The following GPATCH8 variants were observed in gnomAD, a reference collection of about 807,000 sequenced individuals.
GPATCH8 encodes the protein G patch domain-containing protein 8.
In GPATCH8, 18 loss-of-function variants were observed where a neutral mutation model predicts 118.3. The observed-to-expected ratio is 0.15, with a 90% confidence interval of 0.11 to 0.23. The LOEUF is 0.23. Among genes scored for constraint, GPATCH8 ranks in the 10% least tolerant of loss-of-function variants. GPATCH8 has a pLI of 1.00. For synonymous variants in GPATCH8, 659 were observed against 684.7 expected (o/e 0.96, Z 0.59); for missense variants, 1,631 against 1,873.8 (o/e 0.87, Z 2.39).
At chr17:44,487,053 G>T (rs1968840830) in intron 1 of GPATCH8, among the ~76,000 whole-genome samples, 1 of 152,064 alleles carries the variant, frequency 6.6e-6, no homozygotes, top group Non-Finnish European at 1.5e-5. Context: ...TCTTGATGTA[G>T]TTCTATGAGT....
intron 1 of GPATCH8, among the ~76,000 whole-genome samples, chr17:44,501,127 C>T (rs912347938): frequency 5.9e-5 from 9 of 152,096 alleles, no homozygotes; most frequent in South Asian, 4.1e-4. Flanking sequence ...ATTTTAAAAA[C>T]CAACATTTTC....
At position 44,401,356 on chromosome 17, in the gene GPATCH8, T is replaced by A. The variant is rs1394777693; in HGVS notation, c.721A>T (p.Thr241Ser). Reference sequence around the variant, plus strand: ...AGGCCACAAGAAGCAGTGGCACCTGTGCCACTATTTGTAGCTGATTCATCT... The same window carrying A: ...AGGCCACAAGAAGCAGTGGCACCTGAGCCACTATTTGTAGCTGATTCATCT... ...DKDESATNSG[T>S]GATASCGLGS... The change falls in exon 8 of 8, where the codon ACA becomes TCA. Residue 241 changes from threonine (T) to serine (S), a missense_variant. Around this residue, in one of 8 missense-constraint regions of GPATCH8, gnomAD observed 405 missense variants for 462.7 expected, o/e 0.88. Transcript: ENST00000591680. The A allele has an allele frequency of 6.2e-7, 1 of 1,611,408 alleles. No individual in the cohort carries two copies. The highest frequency in any genetic ancestry group is 1.1e-5 in the South Asian group (1 of 90,946).
chr17:44,483,892 A>G (rs1214396807), intron 1 of GPATCH8, among the ~76,000 whole-genome samples: 3 of 151,954 alleles, frequency 2.0e-5, no homozygotes, highest in African/African-American at 4.8e-5. Flanking sequence ...CCCAGGCTGG[A>G]GCACAGTGGC....
At chr17:44,402,920 G>C (rs2049082318) in intron 7 of GPATCH8, among the ~76,000 whole-genome samples, 1 of 152,132 alleles carries the variant, frequency 6.6e-6, no homozygotes, top group South Asian at 2.1e-4. Flanking sequence ...GATCTTGCCT[G>C]AAAGTTTTAT....
chr17:44,397,301 G>T lies in GPATCH8; in HGVS notation c.*267C>A, dbSNP rs192580684. 9.4e-4 allele frequency: 596 copies of T among 634,564 alleles called. 3 individuals are homozygous for T. The African/African-American group carries it at 9.7e-3, about 10-fold the overall frequency. The allele number at this position is 634,564 out of a possible 1,614,324, so 39.3% of individuals were successfully genotyped here. ...AGTTTGGAGATGTTGCTGCAGAGGG[G>T]TGGGTAGCACTTACTGGTGTTCCCT... On this transcript the variant is annotated 3_prime_UTR_variant, in exon 8 of 8. Coordinates refer to ENST00000591680, the MANE Select transcript of GPATCH8 (RefSeq NM_001002909.4).
chr17:44,465,092 A>AT (rs2051709545), intron 2 of GPATCH8: 2 of 100,776 alleles, frequency 2.0e-5, no homozygotes, highest in Non-Finnish European at 4.4e-5. Flanking sequence ...TTGGTTTAAA[A>AT]AAATAATATA....
At chr17:44,452,036 C>T (rs1225216035) in intron 3 of GPATCH8, among the ~76,000 whole-genome samples, 3 of 151,904 alleles carry the variant, frequency 2.0e-5, no homozygotes, top group East Asian at 3.9e-4. Context: ...TTTGGGAGGC[C>T]GATTCGGGCG....
chr17:44,470,300 C>T (rs1477804756), intron 2 of GPATCH8, among the ~76,000 whole-genome samples: 1 of 151,984 alleles, frequency 6.6e-6, no homozygotes, highest in Non-Finnish European at 1.5e-5. Flanking sequence ...TGGGTTCAAG[C>T]GATTCTCCTG....
Position 44,396,490 on chromosome 17 carries a change from A to C in GPATCH8, c.*1078T>G, listed in dbSNP as rs1196340963. On this transcript the variant is annotated 3_prime_UTR_variant, in exon 8 of 8. Transcript: ENST00000591680. ...AGCAAAAAATGTTTTAACATTTTATAGTTCATAACTTCAAAAAATACATAA... is the reference window on the plus strand; with the variant it reads ...AGCAAAAAATGTTTTAACATTTTATCGTTCATAACTTCAAAAAATACATAA... The C allele has an allele frequency of 4.4e-6, 2 of 453,824 alleles. No homozygotes were observed. The highest frequency in any genetic ancestry group is 1.6e-5 in the South Asian group (1 of 64,382). 28.1% of individuals were successfully genotyped at this position (453,824 alleles called of 1,614,324 possible).
chr17:44,412,214 C>T (rs890701686), intron 6 of GPATCH8, among the ~76,000 whole-genome samples: 8 of 152,070 alleles, frequency 5.3e-5, no homozygotes, highest in African/African-American at 7.2e-5. Flanking sequence ...TGAACCACCA[C>T]GCACGGCCAA....
rs530790724 is a variant in GPATCH8, at chr17:44,472,878, T to C, written c.120+1951A>G. ...GCCCGGCTAATTTTTGTATTTTTAGTAGAGACAGGGTTTCACCATCTTGGC... is the reference window on the plus strand; with the variant it reads ...GCCCGGCTAATTTTTGTATTTTTAGCAGAGACAGGGTTTCACCATCTTGGC... On this transcript the variant is annotated intron_variant, in intron 2 of 7. Transcript: ENST00000591680. Among the ~76,000 whole-genome samples the C allele has an allele frequency of 3.3e-5, 5 of 151,546 alleles. No individual in the cohort carries two copies. The South Asian group carries it at 1.0e-3, about 32-fold the overall frequency.
intron 3 of GPATCH8, among the ~76,000 whole-genome samples, chr17:44,457,852 T>C (rs370358622): frequency 6.6e-6 from 1 of 151,846 alleles, no homozygotes; most frequent in African/African-American, 2.4e-5. Context: ...GAGGCCGAGG[T>C]GGGCAGATCA....
rs1215262249 is a variant in GPATCH8 at position 44,395,371 on chromosome 17, CT to C, written c.*2196del. 1 of 450,546 alleles carries C rather than the reference CT, an allele frequency of 2.2e-6. No individual in the cohort carries two copies. The highest frequency in any genetic ancestry group is 2.4e-5 in the Admixed American group (1 of 41,704). The allele number at this position is 450,546 out of a possible 1,614,324, so 27.9% of individuals were successfully genotyped here. The stretch of plus-strand genomic sequence containing the variant: ...CATATGTGATAAAGTTAAATACAAT[CT>C]GTTATGCTTGTAAGTAAGGTTTATT... On this transcript the variant is annotated 3_prime_UTR_variant, in exon 8 of 8. Coordinates refer to ENST00000591680, the MANE Select transcript of GPATCH8 (RefSeq NM_001002909.4).
rs2048782276 is a variant in GPATCH8 at position 44,396,455 on chromosome 17, AT to A, written c.*1112del. Reference sequence around the variant, plus strand: ...CACTACATACTGCAAATTACTTAACATTTTGTCCCAGCAAAAAATGTTTTAA... The same window carrying A: ...CACTACATACTGCAAATTACTTAACATTTGTCCCAGCAAAAAATGTTTTAA... On this transcript the variant is annotated 3_prime_UTR_variant, in exon 8 of 8. Transcript: ENST00000591680. 2.2e-6 allele frequency: 1 copy of A among 454,304 alleles called. No homozygotes were observed. Among genetic ancestry groups the A allele is most frequent in the Non-Finnish European group, 4.4e-6 (1 of 226,780 alleles). 28.1% of individuals were successfully genotyped at this position (454,304 alleles called of 1,614,324 possible). A position where few individuals can be genotyped will look rare whatever the true frequency, so the allele number is the denominator to read the frequency against.
intron 3 of GPATCH8, among the ~76,000 whole-genome samples, chr17:44,438,329 C>A (rs2050583303): frequency 6.6e-6 from 1 of 152,116 alleles, no homozygotes; most frequent in Non-Finnish European, 1.5e-5. Context: ...ATAAACTCTG[C>A]ATTAGTACTT....
chr17:44,464,626 G>A (rs1303541206), intron 2 of GPATCH8, 82 bp from the exon 3 acceptor site: 2 of 856,544 alleles, frequency 2.3e-6, no homozygotes, highest in African/African-American at 1.6e-5. Flanking sequence ...AACAGATGAT[G>A]AGCAAGAGAT....
intron 1 of GPATCH8, among the ~76,000 whole-genome samples, chr17:44,489,404 C>T (rs1396706991): frequency 6.6e-6 from 1 of 151,342 alleles, no homozygotes; most frequent in Non-Finnish European, 1.5e-5. Flanking sequence ...GCAATGGTGC[C>T]ATCTTGGCTC....
intron 5 of GPATCH8, among the ~76,000 whole-genome samples, chr17:44,426,854 T>A (rs2050108337): frequency 7.1e-6 from 1 of 140,144 alleles, no homozygotes; most frequent in Non-Finnish European, 1.6e-5. Flanking sequence ...ACACACTCTC[T>A]CTCTCTCTCT....
chr17:44,486,316 G>T (rs1968778631), intron 1 of GPATCH8: 2 of 151,798 alleles, frequency 1.3e-5, no homozygotes, highest in African/African-American at 4.8e-5. Context: ...TCAAACTTGG[G>T]CCCAAGCAGT....
Sources: allele counts gnomAD v4.1 joint callset (sites outside exome capture counted in the v4.1 genomes callset), GRCh38; gene constraint gnomAD v4.1.1; regional missense constraint gnomAD v4.1.1; transcripts MANE v1.5; gene names NCBI Gene and HGNC (gene_info 2026-07-23, HGNC 2026-07-21).